Variants in VPS35L observed in about 807,000 individuals in gnomAD.
The protein encoded by VPS35L is VPS35 endosomal protein sorting factor like, also known as VPS35 endosomal protein-sorting factor-like.
VPS35L carries 83 observed loss-of-function variants against 133.0 expected under a neutral mutation model. The ratio of observed to expected loss-of-function variants is 0.62; its 90% CI spans 0.52 to 0.75. The LOEUF is 0.75. VPS35L is among the 30% of genes least tolerant of loss of function. The probability of loss-of-function intolerance (pLI) is 0.00; values close to 1 mark genes in which losing one functional copy is unlikely to be tolerated. For synonymous variants in VPS35L, 423 were observed against 449.9 expected (o/e 0.94, Z 0.76); for missense variants, 1,083 against 1,206.8 (o/e 0.90, Z 1.52).
rs1457287713 is a variant in VPS35L, at chr16:19,569,546, C to T, written c.240C>T (p.Ser80=). Residue 80 remains serine (S), a synonymous_variant, in exon 3 of 31, where the codon TCC becomes TCT. Transcript: ENST00000417362. ...SSVLDGTDPL[S]MFAATADPAA... Reference sequence around the variant, plus strand: ...TCCTCGATGGGACTGACCCCCTCTCCATGTTTGCAGCCACTGCTGACCCCG... The same window carrying T: ...TCCTCGATGGGACTGACCCCCTCTCTATGTTTGCAGCCACTGCTGACCCCG... 2 of 1,595,362 alleles carry T rather than the reference C, an allele frequency of 1.3e-6. No individual in the cohort carries two copies. Among genetic ancestry groups the T allele is most frequent in the Non-Finnish European group, 1.7e-6 (2 of 1,171,294 alleles).
intron 28 of VPS35L, among the ~76,000 whole-genome samples, chr16:19,688,987 GACA>G (rs1179393036): frequency 6.6e-6 from 1 of 151,738 alleles, no homozygotes; most frequent in Non-Finnish European, 1.5e-5. Context: ...ACGCAGACAT[GACA>G]ACAAAGCAAC....
At chr16:19,636,998 G>A (rs142799959) in intron 19 of VPS35L, among the ~76,000 whole-genome samples, 16 of 152,350 alleles carry the variant, frequency 1.1e-4, no homozygotes, top group Non-Finnish European at 2.2e-4. Flanking sequence ...GCCACACGAT[G>A]ATGTAGAATA....
intron 27 of VPS35L, 129 bp downstream of exon 27, chr16:19,669,428 T>A: frequency 8.7e-7 from 1 of 1,153,304 alleles, no homozygotes; most frequent in Non-Finnish European, 1.2e-6. Context: ...TCCAGTTAGG[T>A]ATTTGAATTG....
intron 26 of VPS35L, among the ~76,000 whole-genome samples, chr16:19,664,077 A>T (rs945591595): frequency 6.6e-6 from 1 of 152,122 alleles, no homozygotes; most frequent in African/African-American, 2.4e-5. Flanking sequence ...GAAACTTCAG[A>T]TGGAAAATGT....
At chr16:19,695,029 A>C (rs1051287728) in intron 29 of VPS35L, among the ~76,000 whole-genome samples, 3 of 149,090 alleles carry the variant, frequency 2.0e-5, no homozygotes, top group Non-Finnish European at 3.0e-5. Flanking sequence ...AAAAAGACAG[A>C]GCTCAAGTGA....
intron 12 of VPS35L, among the ~76,000 whole-genome samples, chr16:19,611,402 T>G (rs552743852): frequency 2.0e-5 from 3 of 152,302 alleles, no homozygotes; most frequent in South Asian, 2.1e-4. Flanking sequence ...CCATCAGTAT[T>G]GCACATCCTT....
intron 7 of VPS35L, among the ~76,000 whole-genome samples, chr16:19,584,191 C>T (rs1842030278): frequency 6.6e-6 from 1 of 152,166 alleles, no homozygotes; most frequent in Admixed American, 6.6e-5. Context: ...CTTTGATATA[C>T]TGATTTTCTT....
chr16:19,560,886 CT>C (rs1971007331), intron 1 of VPS35L, among the ~76,000 whole-genome samples: 1 of 151,202 alleles, frequency 6.6e-6, no homozygotes, highest in Admixed American at 6.6e-5. Context: ...CAAATTTATC[CT>C]TTGTGTTTTT....
Position 19,637,664 on chromosome 16 carries a change from G to T in VPS35L, c.1698+8G>T. 6.4e-7 allele frequency: 1 copy of T among 1,558,864 alleles called. No homozygotes were observed. Among genetic ancestry groups the T allele is most frequent in the African/African-American group, 1.4e-5 (1 of 72,948 alleles). On this transcript the variant is annotated splice_region_variant and intron_variant, in intron 20 of 30. Coordinates refer to ENST00000417362, the MANE Select transcript of VPS35L (RefSeq NM_020314.7). ...TCAGTTCTTTTCTCAGTGGTAAGTA[G>T]GATTTCTTAATTATCTTTGGAAATT...
Position 19,616,761 on chromosome 16 carries a change from C to A in VPS35L, c.1177C>A (p.Pro393Thr). 1 of 1,614,184 alleles carries A rather than the reference C, an allele frequency of 6.2e-7. No individual in the cohort carries two copies. The highest frequency in any genetic ancestry group is 1.1e-5 in the South Asian group (1 of 91,074). Residue 393 changes from proline to threonine, a missense_variant, in exon 14 of 31, where the codon CCT becomes ACT. Physicochemically the swap from Pro to Thr is conservative, Grantham distance 38 (BLOSUM62 -1). Coordinates refer to ENST00000417362, the MANE Select transcript of VPS35L (RefSeq NM_020314.7). Reference sequence around the variant, plus strand: ...CCCATCTTACCTCCCCTTGTACCCGCCTGCCATGGACTGGATCTTCCAGTG... The same window carrying A: ...CCCATCTTACCTCCCCTTGTACCCGACTGCCATGGACTGGATCTTCCAGTG... The part of the protein sequence containing the change: ...ELPSYLPLYP[P>T]AMDWIFQCIS...
rs1976027694 is a variant in VPS35L at position 19,699,382 on chromosome 16, G to A, written c.2647-120G>A. Reference sequence around the variant, plus strand: ...GCAGCTTGCCCTACAGCAAATACATGGCAGAGCTGGCACTGGAACTCAGGC... The same window carrying A: ...GCAGCTTGCCCTACAGCAAATACATAGCAGAGCTGGCACTGGAACTCAGGC... On this transcript the variant is annotated intron_variant, in intron 29 of 30. Coordinates refer to ENST00000417362, the MANE Select transcript of VPS35L (RefSeq NM_020314.7). The surrounding 1 kb of genome is among the most constrained non-coding windows in gnomAD (Gnocchi z 4.2). 6 of 1,271,318 alleles carry A rather than the reference G, an allele frequency of 4.7e-6. No individual in the cohort carries two copies. In the Admixed American group the frequency reaches 8.8e-5, roughly 19 times the overall value. 78.8% of individuals were successfully genotyped at this position (1,271,318 alleles called of 1,614,324 possible).
At chr16:19,669,364 G>T in intron 27 of VPS35L, 65 bp downstream of exon 27, 2 of 1,500,182 alleles carry the variant, frequency 1.3e-6, no homozygotes. Context: ...TATTATATGT[G>T]TTCTTAGGCC....
chr16:19,682,673 C>T (rs1353934120), intron 28 of VPS35L, among the ~76,000 whole-genome samples: 1 of 152,142 alleles, frequency 6.6e-6, no homozygotes, highest in East Asian at 1.9e-4. Context: ...ACCAGCCTGG[C>T]CAACAGAGCC....
chr16:19,685,043 C>T (rs1975410423), intron 28 of VPS35L, among the ~76,000 whole-genome samples: 1 of 140,660 alleles, frequency 7.1e-6, no homozygotes, highest in Non-Finnish European at 1.5e-5. Context: ...CAGAGCAAGA[C>T]TCCATCTCAA....
intron 27 of VPS35L, among the ~76,000 whole-genome samples, chr16:19,672,926 C>T (rs545538196): frequency 1.3e-5 from 2 of 152,328 alleles, no homozygotes; most frequent in East Asian, 3.9e-4. Context: ...AATCGGGATG[C>T]ATTCAGCATC....
Position 19,699,450 on chromosome 16 carries a change from GGGCACGGCCTGAGCCCCAGTGCAA to G in VPS35L, c.2647-47_2647-24del. ...CAGCACTGTCCACAGCATCTCTGCG[GGGCACGGCCTGAGCCCCAGTGCAA>G]GGCAGTAACCTCCCTTTTCTGTTTC... On this transcript the variant is annotated intron_variant, in intron 29 of 30. Coordinates refer to ENST00000417362, the MANE Select transcript of VPS35L (RefSeq NM_020314.7). This position sits in a 1 kb window ranked among gnomAD's most constrained non-coding sequence, Gnocchi z 4.2. The G allele has an allele frequency of 6.2e-7, 1 of 1,608,122 alleles. No individual in the cohort carries two copies.
chr16:19,652,344 A>AT (rs1974159393), intron 26 of VPS35L: 1 of 323,570 alleles, frequency 3.1e-6, no homozygotes, highest in African/African-American at 2.2e-5. Context: ...TTTTATTTTT[A>AT]TTTTTTATAG....
At chr16:19,665,407 C>T (rs578152724) in intron 26 of VPS35L, among the ~76,000 whole-genome samples, 1 of 152,292 alleles carries the variant, frequency 6.6e-6, no homozygotes, top group South Asian at 2.1e-4. Context: ...GTTTTTAGCT[C>T]CCACAAATAA....
At chr16:19,592,707 G>A (rs1035244332) in intron 8 of VPS35L, among the ~76,000 whole-genome samples, 1 of 98,074 alleles carries the variant, frequency 1.0e-5, no homozygotes, top group African/African-American at 4.1e-5. Flanking sequence ...TTTTTTTTTT[G>A]GAGATAAAGT....
Sources: allele counts gnomAD v4.1 joint callset (sites outside exome capture counted in the v4.1 genomes callset), GRCh38; gene constraint gnomAD v4.1.1; non-coding constraint Gnocchi (gnomAD v3.1); transcripts MANE v1.5; gene names NCBI Gene and HGNC (gene_info 2026-07-23, HGNC 2026-07-21).